ELMO1: variants seen among roughly 807,000 people sequenced by gnomAD.
ELMO1 encodes the protein engulfment and cell motility protein 1.
In ELMO1, 26 loss-of-function variants were observed where a neutral mutation model predicts 98.9. The observed-to-expected ratio is 0.26, with a 90% CI of 0.19 to 0.36. ELMO1 has a LOEUF of 0.36. ELMO1 is among the 10% of genes least tolerant of loss of function. The probability of loss-of-function intolerance (pLI) is 1.00; values close to 1 mark genes in which losing one functional copy is unlikely to be tolerated. For synonymous variants in ELMO1, 346 were observed against 346.0 expected (o/e 1.00, Z 0.00); for missense variants, 627 against 935.2 (o/e 0.67, Z 4.30).
intron 14 of ELMO1, among the ~76,000 whole-genome samples, chr7:37,104,989 A>C (rs1784863370): frequency 6.6e-6 from 1 of 152,224 alleles, no homozygotes. Context: ...ATACAGAGGC[A>C]TAATAAAGGC....
At chr7:37,092,596 T>C (rs111840120) in intron 15 of ELMO1, among the ~76,000 whole-genome samples, 24,150 of 151,914 alleles carry the variant, frequency 0.16, 2,630 homozygotes, top group African/African-American at 0.31. Context: ...AGGACGGTCT[T>C]GATCTCCTGA....
chr7:37,427,194 C>T (rs1583744042), intron 1 of ELMO1, among the ~76,000 whole-genome samples: 1 of 152,176 alleles, frequency 6.6e-6, no homozygotes, highest in Non-Finnish European at 1.5e-5. Flanking sequence ...GACTCTATGG[C>T]TTTCCAAAGA....
In ELMO1 at chr7:37,096,588, T is replaced by G. The variant is rs1472761946; in HGVS notation, c.1300+31A>C. 3 of 1,599,674 alleles carry G rather than the reference T, an allele frequency of 1.9e-6. No individual in the cohort carries two copies. The East Asian group carries it at 6.7e-5, about 36-fold the overall frequency. On this transcript the variant is annotated intron_variant, in intron 15 of 21. Transcript: ENST00000310758. ...CCTGGAAGCTGGGACTCTGCCAGCT[T>G]CACACCCATGTGGGAAATAAGTATA...
rs1803397166 is a variant in ELMO1, at chr7:36,870,291, C to T, written c.1905+102G>A. 8.5e-6 allele frequency: 8 copies of T among 935,716 alleles called. No homozygotes were observed. Among genetic ancestry groups the T allele is most frequent in the African/African-American group, 1.6e-5 (1 of 61,262 alleles). 58.0% of individuals were successfully genotyped at this position (935,716 alleles called of 1,614,324 possible). Reference sequence around the variant, plus strand: ...TGAATAAGAGATGTGTGTCTGAACACACGCACACACACGAACACTGCTATA... The same window carrying T: ...TGAATAAGAGATGTGTGTCTGAACATACGCACACACACGAACACTGCTATA... On this transcript the variant is annotated intron_variant, in intron 20 of 21. Coordinates refer to ENST00000310758, the MANE Select transcript of ELMO1 (RefSeq NM_014800.11). The surrounding 1 kb of genome is among the most constrained non-coding windows in gnomAD (Gnocchi z 4.4).
At chr7:37,266,288 ATTG>A (rs1294011438) in intron 5 of ELMO1, among the ~76,000 whole-genome samples, 1 of 152,174 alleles carries the variant, frequency 6.6e-6, no homozygotes, top group Non-Finnish European at 1.5e-5. Flanking sequence ...TAATGGGCTT[ATTG>A]TTAAGAATCT....
intron 4 of ELMO1, among the ~76,000 whole-genome samples, chr7:37,311,196 G>A (rs1798871617): frequency 6.7e-6 from 1 of 149,586 alleles, no homozygotes; most frequent in Admixed American, 6.6e-5. Flanking sequence ...ATAAGCAAAG[G>A]AAGACTATTT....
chr7:37,266,220 C>T (rs1796235106), intron 5 of ELMO1, among the ~76,000 whole-genome samples: 2 of 151,682 alleles, frequency 1.3e-5, no homozygotes, highest in Non-Finnish European at 2.9e-5. Flanking sequence ...ATTAGTTTCT[C>T]AAACCAGGAG....
At chr7:37,208,440 A>G (rs532161782) in intron 13 of ELMO1, among the ~76,000 whole-genome samples, 2 of 152,370 alleles carry the variant, frequency 1.3e-5, no homozygotes, top group South Asian at 4.1e-4. Flanking sequence ...TAGCAGTCTT[A>G]ATCTTATGAA....
intron 16 of ELMO1, among the ~76,000 whole-genome samples, chr7:36,909,721 C>T (rs1562816140): frequency 1.3e-5 from 2 of 152,216 alleles, no homozygotes; most frequent in Non-Finnish European, 2.9e-5. Flanking sequence ...TGATATCTCA[C>T]ATTGTAAGAG....
chr7:37,409,166 C>A (rs1803897455), intron 1 of ELMO1, among the ~76,000 whole-genome samples: 1 of 148,692 alleles, frequency 6.7e-6, no homozygotes, highest in Non-Finnish European at 1.5e-5. Flanking sequence ...ATTCCTAAAA[C>A]CTACTGGATG....
intron 15 of ELMO1, among the ~76,000 whole-genome samples, chr7:37,045,754 G>A (rs1264747100): frequency 6.6e-6 from 1 of 152,108 alleles, no homozygotes; most frequent in African/African-American, 2.4e-5. Context: ...AATAGTCTAG[G>A]ATTATGAAAC....
intron 13 of ELMO1, among the ~76,000 whole-genome samples, chr7:37,147,769 G>A (rs1788081744): frequency 6.8e-6 from 1 of 146,338 alleles, no homozygotes; most frequent in Non-Finnish European, 1.5e-5. Flanking sequence ...AAGAAATCGT[G>A]CACACAAGAG....
chr7:37,224,440 G>T (rs1050694365), intron 9 of ELMO1, among the ~76,000 whole-genome samples: 1 of 152,134 alleles, frequency 6.6e-6, no homozygotes, highest in Non-Finnish European at 1.5e-5. Flanking sequence ...TAAGAAAGAA[G>T]CCTGCCTTTA....
At chr7:37,162,536 C>A (rs1034091819) in intron 13 of ELMO1, among the ~76,000 whole-genome samples, 2 of 152,130 alleles carry the variant, frequency 1.3e-5, no homozygotes, top group South Asian at 4.1e-4. Context: ...TGAACTACCA[C>A]CAGGAGCACT....
At chr7:37,082,243 AT>A (rs1797902469) in intron 15 of ELMO1, among the ~76,000 whole-genome samples, 1 of 152,160 alleles carries the variant, frequency 6.6e-6, no homozygotes, top group South Asian at 2.1e-4. Context: ...GGATGCTTGC[AT>A]GGGAAAATAG....
chr7:37,417,296 G>A (rs1352504016), intron 1 of ELMO1, among the ~76,000 whole-genome samples: 1 of 152,128 alleles, frequency 6.6e-6, no homozygotes, highest in East Asian at 1.9e-4. Context: ...AAGTTAAAAC[G>A]AGGTCATTTG....
At chr7:37,231,340 A>G (rs1243018724) in intron 8 of ELMO1, among the ~76,000 whole-genome samples, 1 of 151,838 alleles carries the variant, frequency 6.6e-6, no homozygotes, top group Non-Finnish European at 1.5e-5. Context: ...TTCAAAAAAA[A>G]AAAAAGCAGC....
intron 16 of ELMO1, among the ~76,000 whole-genome samples, chr7:36,925,502 C>T: frequency 6.6e-6 from 1 of 152,112 alleles, no homozygotes; most frequent in East Asian, 1.9e-4. Context: ...CCAGGAAGGC[C>T]TCTCTTCCTT....
chr7:37,347,812 A>C (rs938506742), intron 1 of ELMO1, among the ~76,000 whole-genome samples: 7 of 152,206 alleles, frequency 4.6e-5, no homozygotes, highest in Non-Finnish European at 1.0e-4. Flanking sequence ...AGGGCAACCT[A>C]TCCCATCCTT....
Sources: allele counts gnomAD v4.1 joint callset (sites outside exome capture counted in the v4.1 genomes callset), GRCh38; gene constraint gnomAD v4.1.1; non-coding constraint Gnocchi (gnomAD v3.1); transcripts MANE v1.5; gene names NCBI Gene and HGNC (gene_info 2026-07-23, HGNC 2026-07-21).